COL4A4: variants seen among roughly 807,000 people sequenced by gnomAD.
COL4A4 encodes collagen alpha-4(IV) chain.
In COL4A4, 105 loss-of-function variants were observed where a neutral mutation model predicts 192.9. That is an observed-to-expected ratio of 0.54 (90% CI 0.46 to 0.64). The LOEUF (loss-of-function observed/expected upper bound fraction) is 0.64. Ranked by LOEUF, COL4A4 falls within the 30% of genes least tolerant of loss-of-function variation. COL4A4 has a pLI of 0.00. For synonymous variants in COL4A4, 762 were observed against 769.9 expected (o/e 0.99, Z 0.17); for missense variants, 1,967 against 2,169.3 (o/e 0.91, Z 1.85).
In COL4A4 at chr2:227,108,621, C is replaced by T. The variant is rs866282147; in HGVS notation, c.695G>A (p.Gly232Glu). The T allele has an allele frequency of 6.2e-7, 1 of 1,613,870 alleles. No individual in the cohort carries two copies. The highest frequency in any genetic ancestry group is 1.1e-5 in the South Asian group (1 of 91,066). The change falls in exon 12 of 48, where the codon GGA (glycine) becomes GAA (glutamate). Residue 232 changes from glycine (G) to glutamate (E), a missense_variant and splice_region_variant. Physicochemically the swap from Gly to Glu is moderately conservative, Grantham distance 98. Coordinates refer to ENST00000396625, the MANE Select transcript of COL4A4 (RefSeq NM_000092.5). ...PGQPGRPGLK[G>E]NPGVGVKGQM... is the part of the protein sequence containing the mutation. ...CCCCTTTACTCCCACACCGGGATTT[C>T]CCTGAGAAAGAAATGAAAAAGAATC...
chr2:226,993,097 T>C, the COL4A4 span, among the ~76,000 whole-genome samples: 1 of 152,256 alleles, frequency 6.6e-6, no homozygotes, highest in Non-Finnish European at 1.5e-5. Flanking sequence ...AGGCCGTGTG[T>C]GCTGGCTGCT....
intron 34 of COL4A4, among the ~76,000 whole-genome samples, chr2:227,049,637 T>C (rs1026638155): frequency 1.4e-4 from 21 of 152,394 alleles, no homozygotes; most frequent in Non-Finnish European, 2.9e-4. Flanking sequence ...AGTCATGGCT[T>C]TAGCCTCTAT....
At chr2:227,126,730 T>G (rs2062112299) in intron 4 of COL4A4, among the ~76,000 whole-genome samples, 1 of 152,204 alleles carries the variant, frequency 6.6e-6, no homozygotes, top group Admixed American at 6.5e-5. Flanking sequence ...CACCAAAATT[T>G]CCCAAACACC....
intron 35 of COL4A4, among the ~76,000 whole-genome samples, chr2:227,045,903 A>G (rs1382262632): frequency 7.8e-5 from 7 of 90,262 alleles, no homozygotes; most frequent in African/African-American, 2.8e-4. Context: ...TTTAGATAGT[A>G]TATATATGTA....
the COL4A4 span, among the ~76,000 whole-genome samples, chr2:226,993,975 C>T: frequency 6.6e-6 from 1 of 152,234 alleles, no homozygotes; most frequent in African/African-American, 2.4e-5. Flanking sequence ...CCTGGCTTAA[C>T]TGTGCTTTGC....
intron 35 of COL4A4, among the ~76,000 whole-genome samples, chr2:227,045,812 A>G (rs1283612316): frequency 3.2e-5 from 2 of 63,162 alleles, no homozygotes; most frequent in African/African-American, 1.7e-4. Flanking sequence ...ATATATATAT[A>G]TATACACATA....
the COL4A4 span, among the ~76,000 whole-genome samples, chr2:226,984,711 T>C: frequency 6.6e-6 from 1 of 152,162 alleles, no homozygotes. Context: ...CTGGAGACTT[T>C]TGCAGATTCC....
At chr2:227,089,654 TAATATATAAGACACAAGGCTTTATA>T (rs376721623) in intron 21 of COL4A4, among the ~76,000 whole-genome samples, 189 bp downstream of exon 21, 2,933 of 142,062 alleles carry the variant, frequency 0.021, 51 homozygotes, top group East Asian at 0.11. Context: ...TTGACTTTTA[TAATATATAAGACACAAGGCTTTATA>T]AATATATAAG....
intron 24 of COL4A4, 59 bp from the exon 25 acceptor site, chr2:227,078,136 A>G: frequency 6.4e-7 from 1 of 1,571,346 alleles, no homozygotes; most frequent in East Asian, 2.2e-5. Flanking sequence ...AACTCAAAGC[A>G]GTCATTGTAG....
chr2:227,122,552 T>A (rs1228246464), intron 4 of COL4A4, among the ~76,000 whole-genome samples: 2 of 151,938 alleles, frequency 1.3e-5, no homozygotes, highest in Non-Finnish European at 2.9e-5. Flanking sequence ...TCTTGCAGAG[T>A]CGCATCTATA....
chr2:227,033,272 T>G, intron 38 of COL4A4, 138 bp downstream of exon 38: 1 of 706,930 alleles, frequency 1.4e-6, no homozygotes, highest in Middle Eastern at 2.8e-4. Context: ...GCTCCAATAG[T>G]GTGTCTCTAA....
intron 44 of COL4A4, among the ~76,000 whole-genome samples, chr2:227,021,685 C>T (rs1424956743): frequency 1.3e-5 from 2 of 151,888 alleles, no homozygotes; most frequent in Non-Finnish European, 1.5e-5. Flanking sequence ...ATTAGCTGAG[C>T]GTGGTGGTGG....
chr2:227,151,574 T>C (rs1158077932), intron 1 of COL4A4, among the ~76,000 whole-genome samples: 1 of 152,190 alleles, frequency 6.6e-6, no homozygotes, highest in East Asian at 1.9e-4. Context: ...GCTACACAAA[T>C]ATCACTCAAT....
chr2:227,051,115 C>T lies in COL4A4; in HGVS notation c.3012G>A (p.Pro1004=), dbSNP rs778433928. The T allele has an allele frequency of 2.0e-5, 33 of 1,614,014 alleles. No individual in the cohort carries two copies. Among genetic ancestry groups the T allele is most frequent in the South Asian group, 4.4e-5 (4 of 91,086 alleles). ...GAAATCCAGGTGGTCCGTATCTTCC[C>T]GGCTCTCCTCTTCTCCCTTGCATCC... is the stretch of plus-strand genomic sequence containing the variant. ...TPGMQGRRGE[P]GRYGPPGFHR... The change falls in exon 33 of 48, where the codon CCG becomes CCA. Residue 1004 remains proline, a synonymous_variant. Coordinates refer to ENST00000396625, the MANE Select transcript of COL4A4 (RefSeq NM_000092.5).
chr2:227,069,997 T>A (rs1043901266), intron 25 of COL4A4, among the ~76,000 whole-genome samples: 2 of 149,526 alleles, frequency 1.3e-5, no homozygotes, highest in Admixed American at 6.6e-5. Flanking sequence ...ATCCAGAATC[T>A]ACAATGAACT....
chr2:226,977,695 G>C, the COL4A4 span, among the ~76,000 whole-genome samples: 247 of 152,276 alleles, frequency 1.6e-3, no homozygotes, highest in Non-Finnish European at 1.8e-3. Context: ...ATTATATAAA[G>C]AGCAGCCCCT....
At chr2:227,097,792 A>G (rs911941937) in intron 19 of COL4A4, among the ~76,000 whole-genome samples, 1 of 152,246 alleles carries the variant, frequency 6.6e-6, no homozygotes, top group African/African-American at 2.4e-5. Context: ...AGCTAGATTC[A>G]TGGAAGATTA....
chr2:227,023,325 TC>T (rs1233489366), intron 43 of COL4A4, among the ~76,000 whole-genome samples: 1 of 151,130 alleles, frequency 6.6e-6, no homozygotes, highest in African/African-American at 2.4e-5. Flanking sequence ...TGCCTGTAGT[TC>T]CAGCTACTCA....
chr2:227,067,000 C>CA (rs1420349270), intron 25 of COL4A4, among the ~76,000 whole-genome samples: 1 of 147,348 alleles, frequency 6.8e-6, no homozygotes, highest in Non-Finnish European at 1.5e-5. Flanking sequence ...CACATAGGCT[C>CA]AAAATAAAAG....
Sources: allele counts gnomAD v4.1 joint callset (sites outside exome capture counted in the v4.1 genomes callset), GRCh38; gene constraint gnomAD v4.1.1; transcripts MANE v1.5; gene names NCBI Gene and HGNC (gene_info 2026-07-23, HGNC 2026-07-21).